The following TNS3 variants were observed in gnomAD, a reference collection of about 807,000 sequenced individuals.
TNS3 encodes the protein tensin 3.
Under a neutral mutation model 140.9 loss-of-function variants are expected in TNS3, and 45 were observed. The ratio of observed to expected loss-of-function variants is 0.32; its 90% CI spans 0.25 to 0.41. TNS3 has a LOEUF of 0.41. Ranked by LOEUF, TNS3 falls within the 10% of genes least tolerant of loss-of-function variation. The pLI is 1.00. For synonymous variants in TNS3, 815 were observed against 788.4 expected, an observed-to-expected ratio of 1.03 and a Z score of -0.56; for missense variants, 1,716 against 1,906.7, an observed-to-expected ratio of 0.90 and a Z score of 1.86.
intron 3 of TNS3, among the ~76,000 whole-genome samples, chr7:47,492,506 C>A (rs1335440045): frequency 6.6e-6 from 1 of 152,216 alleles, no homozygotes; most frequent in Non-Finnish European, 1.5e-5. Context: ...CCAGGCTGCT[C>A]CCTCTGCCTG....
chr7:47,473,971 G>T (rs1797060046), intron 4 of TNS3, among the ~76,000 whole-genome samples: 1 of 152,130 alleles, frequency 6.6e-6, no homozygotes, highest in East Asian at 1.9e-4. Context: ...ACGGTCACTG[G>T]GGCAGAGGCA....
intron 13 of TNS3, among the ~76,000 whole-genome samples, chr7:47,408,766 T>A (rs1793587937): frequency 6.6e-6 from 1 of 152,186 alleles, no homozygotes; most frequent in South Asian, 2.1e-4. Flanking sequence ...CAGACATCCT[T>A]ACAACAGCAT....
chr7:47,478,725 T>C lies in TNS3; in HGVS notation c.-76+2378A>G, dbSNP rs544185481. The stretch of plus-strand genomic sequence containing the variant: ...TATATATTCACATACATAACTCTCA[T>C]ATGTATGGCACATGTATGTATTCAT... On this transcript the variant is annotated intron_variant, in intron 4 of 30. Transcript: ENST00000311160. Among the ~76,000 whole-genome samples, 13 of 152,214 alleles carry C rather than the reference T, an allele frequency of 8.5e-5. No homozygotes were observed. The East Asian group carries it at 1.7e-3, about 20-fold the overall frequency.
At chr7:47,345,132 C>T (rs942365142) in intron 18 of TNS3, 94 bp from the exon 19 acceptor site, 13 of 908,818 alleles carry the variant, frequency 1.4e-5, no homozygotes, top group Non-Finnish European at 2.1e-5. Flanking sequence ...GGCTGGCCCA[C>T]TGAGCAAACC....
chr7:47,446,688 C>CTTTTTGTTTT (rs1795751280), intron 4 of TNS3, among the ~76,000 whole-genome samples: 1 of 96,680 alleles, frequency 1.0e-5, no homozygotes, highest in Non-Finnish European at 2.0e-5. Context: ...TCCAGGCTGC[C>CTTTTTGTTTT]TTTTTTTTTT....
chr7:47,524,802 C>G (rs1378097679), intron 2 of TNS3, among the ~76,000 whole-genome samples: 1 of 68,946 alleles, frequency 1.5e-5, no homozygotes, highest in East Asian at 5.8e-4. Flanking sequence ...GAGCGAGACT[C>G]CGTCTCAAGA....
intron 4 of TNS3, among the ~76,000 whole-genome samples, chr7:47,471,809 G>C (rs74338475): frequency 0.068 from 10,303 of 152,278 alleles, 384 homozygotes; most frequent in Non-Finnish European, 0.073. Context: ...GGCTGGAGAG[G>C]TGTGAGCCAA....
intron 7 of TNS3, among the ~76,000 whole-genome samples, chr7:47,436,272 T>C (rs1795178203): frequency 6.6e-6 from 1 of 152,228 alleles, no homozygotes; most frequent in African/African-American, 2.4e-5. Context: ...CTACTATTGT[T>C]AACTAGTATT....
chr7:47,415,030 G>C (rs1373232364), intron 11 of TNS3, 64 bp downstream of exon 11: 2 of 1,254,752 alleles, frequency 1.6e-6, no homozygotes, highest in Non-Finnish European at 2.3e-6. Context: ...AAATTGAGGG[G>C]CCCAGGACCA....
At chr7:47,453,143 GAGC>G in intron 4 of TNS3, 1 of 985,654 alleles carries the variant, frequency 1.0e-6, no homozygotes, top group Non-Finnish European at 1.2e-6. Context: ...CCACAGCCAG[GAGC>G]AGCTGGCAGG....
At position 47,303,358 on chromosome 7, in the gene TNS3, GGCT is replaced by G. The variant is rs765006307; in HGVS notation, c.3046_3048del (p.Ser1016del). The G allele has an allele frequency of 4.3e-6, 7 of 1,613,662 alleles. No individual in the cohort carries two copies. In the South Asian group the frequency reaches 6.6e-5, roughly 15 times the overall value. On this transcript the variant is annotated inframe_deletion, in exon 22 of 31. Transcript: ENST00000311160. ...GCGGTGCCGAAGCCCAGGAAGGCCT[GGCT>G]GCTGGGAGGCGCCAGGGAGTCCGGT...
At chr7:47,520,100 C>T (rs1293083213) in intron 2 of TNS3, among the ~76,000 whole-genome samples, 1 of 152,094 alleles carries the variant, frequency 6.6e-6, no homozygotes. Flanking sequence ...GCTGGGATTA[C>T]AGGCTTCAGC....
chr7:47,581,283 C>T (rs1459630050), intron 1 of TNS3, among the ~76,000 whole-genome samples: 1 of 152,042 alleles, frequency 6.6e-6, no homozygotes, highest in Non-Finnish European at 1.5e-5. Context: ...CCAGGAGGCA[C>T]ATGCCACACA....
chr7:47,572,408 G>A (rs1008377253), intron 1 of TNS3, among the ~76,000 whole-genome samples: 13 of 152,226 alleles, frequency 8.5e-5, no homozygotes, highest in African/African-American at 3.1e-4. Flanking sequence ...ATGAATGATC[G>A]TGTGTTCTGT....
chr7:47,462,469 A>G (rs1163222007), intron 4 of TNS3, among the ~76,000 whole-genome samples: 1 of 152,214 alleles, frequency 6.6e-6, no homozygotes, highest in Admixed American at 6.5e-5. Context: ...AGCTCGCAGG[A>G]CCCTAACCCT....
intron 17 of TNS3, among the ~76,000 whole-genome samples, chr7:47,358,924 C>T (rs1777885148): frequency 6.6e-6 from 1 of 152,192 alleles, no homozygotes; most frequent in African/African-American, 2.4e-5. Context: ...GGCAGAGCTT[C>T]TGGGGACAAA....
intron 1 of TNS3, among the ~76,000 whole-genome samples, chr7:47,569,335 G>A (rs947467913): frequency 2.0e-5 from 3 of 152,098 alleles, no homozygotes; most frequent in Admixed American, 2.0e-4. Flanking sequence ...CTGGGGTCAG[G>A]AGTTCCAGAC....
At chr7:47,557,468 G>T (rs1262909216) in intron 1 of TNS3, among the ~76,000 whole-genome samples, 2 of 152,050 alleles carry the variant, frequency 1.3e-5, no homozygotes, top group Non-Finnish European at 2.9e-5. Context: ...TCACAATGTG[G>T]AACGAAAAAA....
intron 23 of TNS3, among the ~76,000 whole-genome samples, chr7:47,299,187 A>ACACAATC (rs1458698559): frequency 6.6e-6 from 1 of 152,178 alleles, no homozygotes; most frequent in African/African-American, 2.4e-5. Context: ...GCCCAGACTG[A>ACACAATC]AGTACAGTGA....
Sources: allele counts gnomAD v4.1 joint callset (sites outside exome capture counted in the v4.1 genomes callset), GRCh38; gene constraint gnomAD v4.1.1; transcripts MANE v1.5; gene names NCBI Gene and HGNC (gene_info 2026-07-23, HGNC 2026-07-21).